The following EPYC variants were observed in gnomAD, a reference collection of about 807,000 sequenced individuals.
EPYC encodes epiphycan.
A neutral mutation model predicts 30.1 loss-of-function variants in EPYC; 28 were observed. The observed-to-expected ratio is 0.93, with a 90% confidence interval of 0.69 to 1.28. The LOEUF (loss-of-function observed/expected upper bound fraction) is 1.28, where lower values mean the gene tolerates loss of function less well. Among genes scored for constraint, EPYC ranks in the 50% most tolerant of loss-of-function variants. The probability of loss-of-function intolerance (pLI) is 0.00; values close to 1 mark genes in which losing one functional copy is unlikely to be tolerated. For synonymous variants in EPYC, 144 were observed against 141.4 expected, an observed-to-expected ratio of 1.02 and a Z score of -0.13; for missense variants, 382 against 383.5, an observed-to-expected ratio of 1.00 and a Z score of 0.03.
intron 2 of EPYC, among the ~76,000 whole-genome samples, chr12:90,986,614 T>G (rs1877454037): frequency 6.6e-6 from 1 of 152,076 alleles, no homozygotes; most frequent in Non-Finnish European, 1.5e-5. Context: ...GGCCAGCCTG[T>G]TGGAAGATGA....
At chr12:90,977,515 A>T (rs183802577) in intron 3 of EPYC, among the ~76,000 whole-genome samples, 53 of 152,246 alleles carry the variant, frequency 3.5e-4, no homozygotes, top group African/African-American at 1.3e-3. Flanking sequence ...GGCTGGCTTC[A>T]AACCTGCTAT....
chr12:90,974,029 TACACACACTCACACACAC>T (rs944846837), intron 3 of EPYC, among the ~76,000 whole-genome samples: 1 of 81,032 alleles, frequency 1.2e-5, no homozygotes, highest in African/African-American at 4.2e-5. Flanking sequence ...TTTTCTGTCT[TACACACACTCACACACAC>T]ACACACACAC....
chr12:90,997,647 C>G (rs952075991), intron 2 of EPYC, among the ~76,000 whole-genome samples: 4 of 151,998 alleles, frequency 2.6e-5, no homozygotes, highest in Admixed American at 1.3e-4. Context: ...CTTTAAGGCA[C>G]ATGGAAAAAT....
intron 2 of EPYC, among the ~76,000 whole-genome samples, chr12:90,987,440 G>A (rs1236444110): frequency 6.6e-6 from 1 of 151,338 alleles, no homozygotes; most frequent in African/African-American, 2.4e-5. Flanking sequence ...GCCCCTCTCA[G>A]GTTTATTTCT....
intron 2 of EPYC, among the ~76,000 whole-genome samples, chr12:90,994,669 C>A (rs1372396817): frequency 1.3e-5 from 2 of 152,050 alleles, no homozygotes; most frequent in East Asian, 1.9e-4. Flanking sequence ...AATATCTGTA[C>A]CTATTTATTC....
chr12:90,964,107 A>G lies in EPYC; in HGVS notation c.*49T>C, dbSNP rs768416090. 16 of 1,522,666 alleles carry G rather than the reference A, an allele frequency of 1.1e-5. No individual in the cohort carries two copies. The African/African-American group carries it at 2.2e-4, about 21-fold the overall frequency. 94.3% of individuals were successfully genotyped at this position (1,522,666 alleles called of 1,614,324 possible). ...AGTTTTGTTTTGGAAGAGAGCAGTA[A>G]GAATGGTTTATTTATAGTAGCCATC... On this transcript the variant is annotated 3_prime_UTR_variant, in exon 7 of 7. Transcript: ENST00000261172.
At position 90,963,733 on chromosome 12, in the gene EPYC, G is replaced by A. The variant is rs1876818286; in HGVS notation, c.*423C>T. 1 of 151,776 alleles carries A rather than the reference G, an allele frequency of 6.6e-6. No homozygotes were observed. Among genetic ancestry groups the A allele is most frequent in the Non-Finnish European group, 1.5e-5 (1 of 68,184 alleles). 9.4% of individuals were successfully genotyped at this position (151,776 alleles called of 1,614,324 possible). On this transcript the variant is annotated 3_prime_UTR_variant, in exon 7 of 7. Coordinates refer to ENST00000261172, the MANE Select transcript of EPYC (RefSeq NM_004950.5). Reference sequence around the variant, plus strand: ...TTTCATGCTCTTTAATGGATTAGGGGAATAAACATGCTTTAGTGAAAAAAA... The same window carrying A: ...TTTCATGCTCTTTAATGGATTAGGGAAATAAACATGCTTTAGTGAAAAAAA...
chr12:90,969,041 TAG>T (rs934281504), intron 6 of EPYC, among the ~76,000 whole-genome samples: 22 of 150,874 alleles, frequency 1.5e-4, no homozygotes, highest in African/African-American at 5.1e-4. Context: ...CATATATGTA[TAG>T]AGATATATAT....
At chr12:90,965,672 T>C (rs1030821669) in intron 6 of EPYC, among the ~76,000 whole-genome samples, 1 of 152,126 alleles carries the variant, frequency 6.6e-6, no homozygotes, top group Non-Finnish European at 1.5e-5. Flanking sequence ...GTTCAAATAC[T>C]TTAGTGGATT....
At chr12:90,972,797 A>G in intron 4 of EPYC, 25 bp downstream of exon 4, 1 of 1,606,136 alleles carries the variant, frequency 6.2e-7, no homozygotes, top group Non-Finnish European at 8.5e-7. Flanking sequence ...AAAGCGGTGA[A>G]GGCCGTTAAT....
rs750805418 is a variant in EPYC at position 91,002,597 on chromosome 12, A to T, written c.-13-19T>A. On this transcript the variant is annotated intron_variant, in intron 1 of 6. Transcript: ENST00000261172. ...AGCTTTCCTAATTATAAAATATTAA[A>T]ATGCATAAATATTTAATTGATAACT... The T allele has an allele frequency of 2.0e-6, 3 of 1,526,446 alleles. No individual in the cohort carries two copies. Among genetic ancestry groups the T allele is most frequent in the Non-Finnish European group, 1.8e-6 (2 of 1,121,444 alleles). 94.6% of individuals were successfully genotyped at this position (1,526,446 alleles called of 1,614,324 possible).
In EPYC at chr12:90,989,422, A is replaced by G. The variant is rs141824553; in HGVS notation, c.166-11160T>C. 2.8e-3 allele frequency among the ~76,000 whole-genome samples: 429 copies of G among 152,220 alleles called. 4 individuals carry two copies. Among genetic ancestry groups the G allele is most frequent in the African/African-American group, 9.8e-3 (407 of 41,580 alleles). Reference sequence around the variant, plus strand: ...AATGAATATTTGCAAGTCAAATATCAAAATAGTTAATGGCCTTTTGATTAC... The same window carrying G: ...AATGAATATTTGCAAGTCAAATATCGAAATAGTTAATGGCCTTTTGATTAC... On this transcript the variant is annotated intron_variant, in intron 2 of 6. Coordinates refer to ENST00000261172, the MANE Select transcript of EPYC (RefSeq NM_004950.5).
At chr12:90,964,876 T>C (rs1243963834) in intron 6 of EPYC, among the ~76,000 whole-genome samples, 1 of 152,160 alleles carries the variant, frequency 6.6e-6, no homozygotes, top group African/African-American at 2.4e-5. Context: ...TTTTTAAACC[T>C]AGGTTTATTT....
At chr12:90,996,015 A>G (rs547229925) in intron 2 of EPYC, among the ~76,000 whole-genome samples, 1 of 151,916 alleles carries the variant, frequency 6.6e-6, no homozygotes, top group South Asian at 2.1e-4. Context: ...GAGTATGCAA[A>G]CCATATGTAT....
chr12:90,981,226 C>A (rs1877316936), intron 2 of EPYC, among the ~76,000 whole-genome samples: 1 of 152,088 alleles, frequency 6.6e-6, no homozygotes, highest in Non-Finnish European at 1.5e-5. Context: ...TAGGCCTGTG[C>A]CAGTCTCTGC....
intron 6 of EPYC, among the ~76,000 whole-genome samples, chr12:90,967,450 A>T (rs1328655697): frequency 6.6e-6 from 1 of 152,164 alleles, no homozygotes; most frequent in East Asian, 1.9e-4. Context: ...TTTCATTGGA[A>T]TCAGAAAACA....
chr12:91,004,492 A>T lies in EPYC; in HGVS notation c.-14+455T>A, dbSNP rs78020609. 3.7e-4 allele frequency among the ~76,000 whole-genome samples: 56 copies of T among 152,192 alleles called. No homozygotes were observed. In the East Asian group the frequency reaches 0.011, roughly 29 times the overall value. On this transcript the variant is annotated intron_variant, in intron 1 of 6. Coordinates refer to ENST00000261172, the MANE Select transcript of EPYC (RefSeq NM_004950.5). ...TTTATTAATATTTTAAAATTTGTGT[A>T]TTTAAAACTTTCAATATATAGCTCA...
chr12:90,964,387 C>A, intron 6 of EPYC, 61 bp from the exon 7 acceptor site: 4 of 1,286,258 alleles, frequency 3.1e-6, no homozygotes, highest in Non-Finnish European at 4.4e-6. Flanking sequence ...TGATTGATAG[C>A]GCAGTCCACT....
At chr12:90,967,777 A>C (rs985826723) in intron 6 of EPYC, among the ~76,000 whole-genome samples, 1 of 152,174 alleles carries the variant, frequency 6.6e-6, no homozygotes, top group Admixed American at 6.6e-5. Context: ...GTTCAAGACC[A>C]GCCTGGGCAA....
Sources: gnomAD v4.1 joint callset for allele counts (sites outside exome capture counted in the v4.1 genomes callset) on GRCh38, gnomAD v4.1.1 for gene constraint, MANE v1.5 for transcripts, NCBI Gene and HGNC (gene_info 2026-07-23, HGNC 2026-07-21) for gene names.